The following PCDHGA6 variants were observed in gnomAD, a reference collection of about 807,000 sequenced individuals.
PCDHGA6 encodes protocadherin gamma-A6.
In PCDHGA6, 41 loss-of-function variants were observed where a neutral mutation model predicts 60.6. The ratio of observed to expected loss-of-function variants is 0.68; its 90% CI spans 0.53 to 0.88. The LOEUF (loss-of-function observed/expected upper bound fraction) is 0.88. Among genes scored for constraint, PCDHGA6 ranks in the 40% least tolerant of loss-of-function variants. The pLI, the probability that PCDHGA6 is intolerant of heterozygous loss-of-function variation, is 0.00. For missense variants in PCDHGA6, 1,312 were observed against 1,203.0 expected, an observed-to-expected ratio of 1.09 and a Z score of -1.34; for synonymous variants, 594 against 524.4, an observed-to-expected ratio of 1.13 and a Z score of -1.81.
At chr5:141,443,137 A>G (rs1202995621) in intron 1 of PCDHGA6, among the ~76,000 whole-genome samples, 1 of 152,174 alleles carries the variant, frequency 6.6e-6, no homozygotes, top group Non-Finnish European at 1.5e-5. Flanking sequence ...GAACACTATC[A>G]TAAGTTATAC....
chr5:141,507,810 G>A (rs550331241), intron 3 of PCDHGA6, among the ~76,000 whole-genome samples: 1 of 152,290 alleles, frequency 6.6e-6, no homozygotes, highest in African/African-American at 2.4e-5. Context: ...CCTGGGGAAC[G>A]GACCCTGGGG....
intron 1 of PCDHGA6, among the ~76,000 whole-genome samples, chr5:141,448,516 A>T (rs1210489939): frequency 3.9e-5 from 6 of 152,152 alleles, no homozygotes; most frequent in Non-Finnish European, 8.8e-5. Flanking sequence ...TTATAACTTT[A>T]TTAAGCATCC....
chr5:141,413,588 A>G, intron 1 of PCDHGA6: 1 of 1,613,922 alleles, frequency 6.2e-7, no homozygotes, highest in Non-Finnish European at 8.5e-7. Context: ...CCAAAATTCC[A>G]AGCAGAAAAT....
chr5:141,414,420 C>G, intron 1 of PCDHGA6: 1 of 1,613,822 alleles, frequency 6.2e-7, no homozygotes, highest in Non-Finnish European at 8.5e-7. Flanking sequence ...GAGCCCTTGA[C>G]AGGGAACAGG....
At chr5:141,393,825 G>A (rs2092852640) in intron 1 of PCDHGA6, 10 of 1,613,964 alleles carry the variant, frequency 6.2e-6, no homozygotes, top group Non-Finnish European at 8.5e-6. Context: ...CATTTCGGTG[G>A]AAGATGTAAA....
chr5:141,383,749 A>C (rs771648323), intron 1 of PCDHGA6: 12 of 1,614,008 alleles, frequency 7.4e-6, no homozygotes, highest in Non-Finnish European at 1.0e-5. Context: ...TTTTCGGAAA[A>C]TAACTCCTAA....
At chr5:141,398,174 T>C (rs763077513) in intron 1 of PCDHGA6, 16 of 1,476,290 alleles carry the variant, frequency 1.1e-5, no homozygotes, top group African/African-American at 1.4e-5. Flanking sequence ...AGGCTGCCAG[T>C]GCTCTTTCTC....
At chr5:141,419,744 G>A (rs760207269) in intron 1 of PCDHGA6, 28 of 1,613,778 alleles carry the variant, frequency 1.7e-5, no homozygotes, top group East Asian at 2.2e-5. Context: ...GGTGCGCATG[G>A]TGCGTGCTTT....
At chr5:141,472,010 C>T (rs1305786275) in intron 1 of PCDHGA6, among the ~76,000 whole-genome samples, 1 of 151,978 alleles carries the variant, frequency 6.6e-6, no homozygotes, top group Non-Finnish European at 1.5e-5. Flanking sequence ...CGTATAGGGG[C>T]ACTATATTGT....
In PCDHGA6 at chr5:141,485,610, C is replaced by A; in HGVS notation, c.2425-9197C>A. ...CTGGACTTGGAAATTGGGGAGGCAGCTCCTCCAGGACAGCGTTTCCCGTTG... is the reference window on the plus strand; with the variant it reads ...CTGGACTTGGAAATTGGGGAGGCAGATCCTCCAGGACAGCGTTTCCCGTTG... On this transcript the variant is annotated intron_variant, in intron 1 of 3. Coordinates refer to ENST00000517434, the MANE Select transcript of PCDHGA6 (RefSeq NM_018919.3). This position sits in a 1 kb window ranked among gnomAD's most constrained non-coding sequence, Gnocchi z 5.7. The A allele has an allele frequency of 1.2e-6, 2 of 1,612,076 alleles. No individual in the cohort carries two copies. The highest frequency in any genetic ancestry group is 1.7e-6 in the Non-Finnish European group (2 of 1,178,616).
chr5:141,450,253 A>G (rs1025385837), intron 1 of PCDHGA6, among the ~76,000 whole-genome samples: 1 of 152,020 alleles, frequency 6.6e-6, no homozygotes, highest in African/African-American at 2.4e-5. Flanking sequence ...CCTGACCTCA[A>G]GTGATCTGCC....
chr5:141,394,275 A>G (rs371709954), intron 1 of PCDHGA6: 21 of 1,613,792 alleles, frequency 1.3e-5, no homozygotes, highest in Non-Finnish European at 1.6e-5. Flanking sequence ...TGCCCAGGTC[A>G]CTTACTCTGT....
chr5:141,409,273 G>A, intron 1 of PCDHGA6: 1 of 1,613,958 alleles, frequency 6.2e-7, no homozygotes, highest in South Asian at 1.1e-5. Context: ...ATCAGATTTT[G>A]GAGAATTCAC....
chr5:141,377,448 G>A (rs976885039), intron 1 of PCDHGA6: 1 of 151,974 alleles, frequency 6.6e-6, no homozygotes, highest in Non-Finnish European at 1.5e-5. Flanking sequence ...AGAAAAAAAA[G>A]TAGCCAGATG....
At position 141,383,491 on chromosome 5, in the gene PCDHGA6, C is replaced by A. The variant is rs116533786; in HGVS notation, c.2424+6984C>A. ...TAAGTACCCGGAACTGGTGCTGGAG[C>A]GGGTGCTGGACCGGGAGGAAGAGCG... On this transcript the variant is annotated intron_variant, in intron 1 of 3. Transcript: ENST00000517434. 4.5e-4 allele frequency: 731 copies of A among 1,613,114 alleles called. 6 individuals are homozygous for A. In the African/African-American group the frequency reaches 7.9e-3, roughly 17 times the overall value.
At chr5:141,445,282 T>G (rs1023693067) in intron 1 of PCDHGA6, among the ~76,000 whole-genome samples, 4 of 152,220 alleles carry the variant, frequency 2.6e-5, no homozygotes, top group Non-Finnish European at 5.9e-5. Context: ...TCTGCATAAG[T>G]TCAGGCTTCC....
rs1176011355 is a variant in PCDHGA6, at chr5:141,485,491, G to C, written c.2425-9316G>C. Reference sequence around the variant, plus strand: ...TCAGTGCCAGCTGCATCGTGCCCCTGGAGTTTGTCACCGAAGGTCCTTTGG... The same window carrying C: ...TCAGTGCCAGCTGCATCGTGCCCCTCGAGTTTGTCACCGAAGGTCCTTTGG... On this transcript the variant is annotated intron_variant, in intron 1 of 3. Coordinates refer to ENST00000517434, the MANE Select transcript of PCDHGA6 (RefSeq NM_018919.3). This position sits in a 1 kb window ranked among gnomAD's most constrained non-coding sequence, Gnocchi z 5.7. 6.2e-7 allele frequency: 1 copy of C among 1,614,142 alleles called. No homozygotes were observed. The highest frequency in any genetic ancestry group is 1.3e-5 in the African/African-American group (1 of 75,018).
intron 1 of PCDHGA6, chr5:141,388,947 A>T: frequency 6.2e-7 from 1 of 1,614,054 alleles, no homozygotes; most frequent in Non-Finnish European, 8.5e-7. Context: ...CAACCTAATT[A>T]TGGAGGACGC....
At chr5:141,433,828 ACT>A (rs1431945413) in intron 1 of PCDHGA6, among the ~76,000 whole-genome samples, 2 of 142,254 alleles carry the variant, frequency 1.4e-5, no homozygotes, top group Admixed American at 7.0e-5. Flanking sequence ...CAAGAGTGAA[ACT>A]CTATCTCAAA....
Sources: gnomAD v4.1 joint callset for allele counts (sites outside exome capture counted in the v4.1 genomes callset) on GRCh38, gnomAD v4.1.1 for gene constraint, Gnocchi (gnomAD v3.1) non-coding constraint, MANE v1.5 for transcripts, NCBI Gene and HGNC (gene_info 2026-07-23, HGNC 2026-07-21) for gene names.